The following RUFY4 variants were observed in gnomAD, a reference collection of about 807,000 sequenced individuals.
RUFY4 encodes the protein RUN and FYVE domain-containing protein 4.
In RUFY4, 73 loss-of-function variants were observed where a neutral mutation model predicts 69.0. The ratio of observed to expected loss-of-function variants is 1.06; its 90% CI spans 0.88 to 1.29. The LOEUF is 1.29. Ranked by LOEUF, RUFY4 falls within the 50% of genes most tolerant of loss-of-function variation. The probability of loss-of-function intolerance (pLI) is 0.00; values close to 1 mark genes in which losing one functional copy is unlikely to be tolerated. For missense variants in RUFY4, 770 were observed against 705.6 expected, an observed-to-expected ratio of 1.09 and a Z score of -1.03; for synonymous variants, 287 against 271.8, an observed-to-expected ratio of 1.06 and a Z score of -0.55.
chr2:218,065,955 C>T (rs1213430012), upstream of RUFY4, among the ~76,000 whole-genome samples: 1 of 151,932 alleles, frequency 6.6e-6, no homozygotes, highest in African/African-American at 2.4e-5. Context: ...CAGCCACTGG[C>T]CTAGCAGCCT....
chr2:218,070,746 C>T lies in RUFY4; in HGVS notation c.47-7C>T, dbSNP rs373545376. ...CAGCGACCTGACATCTGCCATCCTC[C>T]CAGCAGCTGCCGTCTCTGCCATCCT... On this transcript the variant is annotated splice_polypyrimidine_tract_variant and splice_region_variant and intron_variant, in intron 1 of 10. Transcript: ENST00000344321. The T allele has an allele frequency of 6.5e-7, 1 of 1,536,698 alleles. No homozygotes were observed.
exon 7 of RUFY4, chr2:218,075,515 C>T (rs767250082): frequency 2.3e-5 from 36 of 1,560,840 alleles, no homozygotes; most frequent in Non-Finnish European, 2.9e-5. Context: ...AGTGGAGTCA[C>T]GTCCAGAGGC....
At position 218,062,690 on chromosome 2, in the gene RUFY4, G is replaced by A. The variant is rs555482984; in HGVS notation, c.-1071+4009G>A. Among the ~76,000 whole-genome samples, 6 of 152,250 alleles carry A rather than the reference G, an allele frequency of 3.9e-5. No homozygotes were observed. In the East Asian group the frequency reaches 9.6e-4, roughly 24 times the overall value. ...GGCACTGCTGTGCTCCAGCCTGGGC[G>A]ACAGAGCAAGACTCTGTCTCAAAAA... is the stretch of plus-strand genomic sequence containing the variant. On this transcript the variant is annotated intron_variant and NMD_transcript_variant, in intron 3 of 13. Coordinates refer to the RUFY4 transcript ENST00000457754.
chr2:218,075,171 G>A lies in RUFY4; in HGVS notation c.679G>A (p.Ala227Thr), dbSNP rs200633254. ...CAGTCAAGCCATCTGTCTGCAAGAT[G>A]CACCCAGTGGACAGCAGCTGGCAGG... The change falls in exon 7 of 11, where the codon GCA becomes ACA. Residue 227 changes from alanine to threonine, a missense_variant. Transcript: ENST00000344321. The A allele has an allele frequency of 2.2e-4, 336 of 1,556,780 alleles. No homozygotes were observed. In the African/African-American group the frequency reaches 4.2e-3, roughly 19 times the overall value.
intron 2 of RUFY4, among the ~76,000 whole-genome samples, chr2:218,054,465 G>A (rs1689014010): frequency 6.7e-6 from 1 of 148,848 alleles, no homozygotes; most frequent in Admixed American, 6.8e-5. Flanking sequence ...TGAAGCACAA[G>A]AATTGTTTGA....
At chr2:218,078,933 T>G (rs1457131775) in intron 8 of RUFY4, among the ~76,000 whole-genome samples, 1 of 152,180 alleles carries the variant, frequency 6.6e-6, no homozygotes, top group Non-Finnish European at 1.5e-5. Flanking sequence ...AGTGGCGACA[T>G]CTCGGCTCAC....
chr2:218,083,720 C>G (rs1689824330), intron 9 of RUFY4, among the ~76,000 whole-genome samples: 2 of 151,616 alleles, frequency 1.3e-5, no homozygotes, highest in Admixed American at 1.3e-4. Context: ...TGCACTCCAG[C>G]CTGGGCGACA....
chr2:218,053,808 A>G (rs905411138), intron 2 of RUFY4, among the ~76,000 whole-genome samples: 2 of 152,092 alleles, frequency 1.3e-5, no homozygotes, highest in African/African-American at 4.8e-5. Flanking sequence ...GCACCCGGCT[A>G]ATTTTTGTAA....
exon 10 of RUFY4, chr2:218,089,266 T>A: frequency 6.2e-7 from 1 of 1,613,746 alleles, no homozygotes; most frequent in Non-Finnish European, 8.5e-7. Context: ...AAGGACCGCC[T>A]GTGGCAGAGG....
intron 2 of RUFY4, among the ~76,000 whole-genome samples, chr2:218,054,349 G>A (rs1377065173): frequency 6.6e-6 from 1 of 152,082 alleles, no homozygotes; most frequent in Non-Finnish European, 1.5e-5. Context: ...GAGGTCAGGT[G>A]CTCGAGACCA....
intron 5 of RUFY4, 95 bp from the exon 8 acceptor site, chr2:218,073,721 G>T: frequency 7.5e-7 from 1 of 1,335,206 alleles, no homozygotes; most frequent in Non-Finnish European, 1.1e-6. Context: ...GTCATGGGAT[G>T]AATGCGCTAG....
In RUFY4 at chr2:218,089,219, G is replaced by A. The variant is rs374292693; in HGVS notation, c.1503-33G>A. On this transcript the variant is annotated intron_variant, in intron 9 of 10. Coordinates refer to ENST00000344321, the Ensembl canonical transcript of RUFY4. ...TTTCTATCTTTTGATCTCTGTCTCT[G>A]TCTGTGTCTCTCCACCTTCATCCCC... 5.2e-6 allele frequency: 8 copies of A among 1,543,054 alleles called. No homozygotes were observed. The African/African-American group carries it at 6.8e-5, about 13-fold the overall frequency.
chr2:218,036,174 GCA>G (rs1448790264), intron 2 of RUFY4, among the ~76,000 whole-genome samples: 1 of 152,214 alleles, frequency 6.6e-6, no homozygotes, highest in Non-Finnish European at 1.5e-5. Context: ...TAAACAATTA[GCA>G]CAGTGTCGTC....
At chr2:218,072,595 C>A in intron 3 of RUFY4, 96 bp downstream of exon 5, 1 of 1,472,036 alleles carries the variant, frequency 6.8e-7, no homozygotes, top group Non-Finnish European at 9.0e-7. Flanking sequence ...ATAGACCCCT[C>A]ACCTGCTCTG....
chr2:218,080,455 T>G (rs911610106), intron 8 of RUFY4, among the ~76,000 whole-genome samples: 4 of 152,152 alleles, frequency 2.6e-5, no homozygotes, highest in African/African-American at 7.2e-5. Context: ...CTCACAGCTT[T>G]CTAGCTGTGG....
exon 3 of RUFY4, chr2:218,072,475 C>G: frequency 1.3e-6 from 2 of 1,537,250 alleles, no homozygotes; most frequent in Non-Finnish European, 1.7e-6. Flanking sequence ...TGGAGCCAAT[C>G]CACTTTGTCC....
intron 3 of RUFY4, among the ~76,000 whole-genome samples, chr2:218,063,067 G>A (rs997661693): frequency 7.9e-5 from 12 of 152,228 alleles, no homozygotes; most frequent in African/African-American, 1.7e-4. Flanking sequence ...GAGAGATCCC[G>A]CTCTGGGGAA....
rs556147880 is a variant in RUFY4, at chr2:218,052,430, T to C, written c.-1157-6165T>C. Among the ~76,000 whole-genome samples, 12 of 152,324 alleles carry C rather than the reference T, an allele frequency of 7.9e-5. No homozygotes were observed. In the East Asian group the frequency reaches 2.1e-3, roughly 27 times the overall value. On this transcript the variant is annotated intron_variant and NMD_transcript_variant, in intron 2 of 13. Transcript: ENST00000457754. ...TTGTTTACCTTTTTCTCCTATAATA[T>C]GGTGTACACTCCTAACCTTGGACAT...
chr2:218,054,756 C>T (rs959976621), intron 2 of RUFY4, among the ~76,000 whole-genome samples: 1 of 152,032 alleles, frequency 6.6e-6, no homozygotes, highest in Non-Finnish European at 1.5e-5. Context: ...GTCTTGTTTT[C>T]CAGATTTAAG....
Sources: gnomAD v4.1 joint callset for allele counts (sites outside exome capture counted in the v4.1 genomes callset) on GRCh38, gnomAD v4.1.1 for gene constraint, MANE v1.5 for transcripts, NCBI Gene and HGNC (gene_info 2026-07-23, HGNC 2026-07-21) for gene names.